RIOK2: variants seen among roughly 807,000 people sequenced by gnomAD.
The protein encoded by RIOK2 is serine/threonine-protein kinase RIO2.
In RIOK2, 46 loss-of-function variants were observed where a neutral mutation model predicts 62.4. That is an observed-to-expected ratio of 0.74 (90% CI 0.58 to 0.94). The LOEUF is 0.94. Ranked by LOEUF, RIOK2 falls within the 40% of genes least tolerant of loss-of-function variation. RIOK2 has a pLI of 0.00. For missense variants in RIOK2, 574 were observed against 658.0 expected (o/e 0.87, Z 1.40); for synonymous variants, 197 against 216.0 (o/e 0.91, Z 0.77).
At chr5:97,182,908 T>G in intron 1 of RIOK2, 1 of 586,040 alleles carries the variant, frequency 1.7e-6, no homozygotes, top group South Asian at 1.9e-5. Flanking sequence ...AAAACAATTA[T>G]TAGAAGACGG....
intron 8 of RIOK2, 29 bp downstream of exon 8, chr5:97,167,438 G>T: frequency 6.3e-7 from 1 of 1,596,604 alleles, no homozygotes; most frequent in Non-Finnish European, 8.5e-7. Flanking sequence ...CAAGACTAAA[G>T]TTAAAAAGCA....
At chr5:97,176,241 C>A (rs1394825437) in intron 4 of RIOK2, 4 of 152,162 alleles carry the variant, frequency 2.6e-5, no homozygotes, top group Non-Finnish European at 4.4e-5. Flanking sequence ...ACTATAGTCA[C>A]CCTACTCTGC....
intron 4 of RIOK2, chr5:97,175,892 T>C (rs1749149938): frequency 6.6e-6 from 1 of 152,184 alleles, no homozygotes; most frequent in Non-Finnish European, 1.5e-5. Context: ...TTTAACAATC[T>C]ATGCTGAACT....
chr5:97,182,517 G>A (rs977452145), intron 1 of RIOK2, among the ~76,000 whole-genome samples: 4 of 152,028 alleles, frequency 2.6e-5, no homozygotes, highest in African/African-American at 9.7e-5. Flanking sequence ...GTCTACCAAA[G>A]GCCAATAACT....
intron 9 of RIOK2, among the ~76,000 whole-genome samples, chr5:97,163,514 C>T (rs1748758912): frequency 6.6e-6 from 1 of 152,122 alleles, no homozygotes; most frequent in Non-Finnish European, 1.5e-5. Context: ...TGTTCCTCTG[C>T]TTTTTAGGTT....
chr5:97,165,109 G>A lies in RIOK2; in HGVS notation c.1436C>T (p.Thr479Ile). ...ENVGAMNQYR[T>I]RTLSITSSGS... ...TGAAGAAGTGATACTCAGAGTTCTT[G>A]TTCTATACTGATTCATAGCTCCCAC... The change falls in exon 9 of 10, where the codon ACA becomes ATA. Residue 479 changes from threonine to isoleucine, a missense_variant. Physicochemically the swap from Thr to Ile is moderately conservative, Grantham distance 89. Coordinates refer to ENST00000283109, the MANE Select transcript of RIOK2 (RefSeq NM_018343.3). The A allele has an allele frequency of 1.3e-6, 2 of 1,540,860 alleles. No individual in the cohort carries two copies. The highest frequency in any genetic ancestry group is 1.7e-6 in the Non-Finnish European group (2 of 1,143,662).
chr5:97,175,957 C>G (rs1434571240), intron 4 of RIOK2: 6 of 151,548 alleles, frequency 4.0e-5, no homozygotes, highest in Admixed American at 3.9e-4. Flanking sequence ...TGTCAGGGGA[C>G]AGTATAAATG....
chr5:97,164,156 G>A (rs902920028), intron 9 of RIOK2, among the ~76,000 whole-genome samples: 1 of 151,874 alleles, frequency 6.6e-6, no homozygotes, highest in Admixed American at 6.5e-5. Flanking sequence ...CCCCCAAAGT[G>A]CTGGGATCAC....
intron 1 of RIOK2, among the ~76,000 whole-genome samples, chr5:97,181,283 AAAAG>A (rs1243990223): frequency 6.6e-6 from 1 of 151,880 alleles, no homozygotes; most frequent in Non-Finnish European, 1.5e-5. Flanking sequence ...AAAAAAAAAA[AAAAG>A]AAAGAGAGAA....
intron 2 of RIOK2, among the ~76,000 whole-genome samples, chr5:97,178,338 CAT>C (rs1749227999): frequency 2.8e-4 from 1 of 3,520 alleles, no homozygotes; most frequent in African/African-American, 7.4e-4. Flanking sequence ...GCAGTACCTA[CAT>C]GCTCTTCATG....
Position 97,183,153 on chromosome 5 carries a change from G to A in RIOK2, c.39C>T (p.Ser13=). Residue 13 remains serine (S), a synonymous_variant, in exon 1 of 10, where the codon AGC becomes AGT. Coordinates refer to ENST00000283109, the MANE Select transcript of RIOK2 (RefSeq NM_018343.3). ...CGGTCAAGACCCTGAAGTCATCTCG[G>A]CTCATGTAACGCAACTTGGCCACAT... is the stretch of plus-strand genomic sequence containing the variant. ...KVNVAKLRYM[S]RDDFRVLTAV... The A allele has an allele frequency of 6.2e-7, 1 of 1,614,090 alleles. No homozygotes were observed. The highest frequency in any genetic ancestry group is 8.5e-7 in the Non-Finnish European group (1 of 1,179,984).
At position 97,167,943 on chromosome 5, in the gene RIOK2, C is replaced by T. The variant is rs1748892778; in HGVS notation, c.921G>A (p.Lys307=). ...DVEVSASGYT[K]EMQADDELLH... Reference sequence around the variant, plus strand: ...GCAGTTCATCATCTGCCTGCATTTCCTTTGTGTAGCCACTGGCAGAAACCT... The same window carrying T: ...GCAGTTCATCATCTGCCTGCATTTCTTTTGTGTAGCCACTGGCAGAAACCT... Residue 307 remains lysine, a synonymous_variant, in exon 8 of 10, where the codon AAG becomes AAA. Coordinates refer to ENST00000283109, the MANE Select transcript of RIOK2 (RefSeq NM_018343.3). 1 of 1,606,572 alleles carries T rather than the reference C, an allele frequency of 6.2e-7. No homozygotes were observed. The highest frequency in any genetic ancestry group is 8.5e-7 in the Non-Finnish European group (1 of 1,179,876).
In RIOK2 at chr5:97,183,238, A is replaced by T. The variant is rs1431299874; in HGVS notation, c.-47T>A. On this transcript the variant is annotated 5_prime_UTR_variant, in exon 1 of 10. Transcript: ENST00000283109. ...GATGCCTCTCCGACGACAGCCGCAA[A>T]GCGTAAGGCAGGTCGTTATTCCAGC... 1.9e-6 allele frequency: 3 copies of T among 1,601,154 alleles called. No individual in the cohort carries two copies. The East Asian group carries it at 6.7e-5, about 36-fold the overall frequency.
intron 1 of RIOK2, among the ~76,000 whole-genome samples, chr5:97,180,766 G>A (rs957786729): frequency 3.9e-5 from 6 of 152,126 alleles, no homozygotes; most frequent in African/African-American, 1.4e-4. Context: ...GTACTGGAAG[G>A]AAGGAATAAA....
intron 4 of RIOK2, among the ~76,000 whole-genome samples, chr5:97,174,596 T>C (rs1407209595): frequency 3.9e-5 from 6 of 152,050 alleles, no homozygotes; most frequent in Admixed American, 6.5e-5. Flanking sequence ...CCTAAACACA[T>C]AGGACTCACA....
chr5:97,181,146 C>G (rs1749396833), intron 1 of RIOK2, among the ~76,000 whole-genome samples: 1 of 151,692 alleles, frequency 6.6e-6, no homozygotes, highest in African/African-American at 2.4e-5. Context: ...GTGGTGTGCG[C>G]CTATAGTCCC....
In RIOK2 at chr5:97,179,072, G is replaced by A. The variant is rs781247100; in HGVS notation, c.188C>T (p.Ala63Val). The A allele has an allele frequency of 6.2e-7, 1 of 1,613,878 alleles. No homozygotes were observed. The highest frequency in any genetic ancestry group is 1.1e-5 in the South Asian group (1 of 91,074). Residue 63 changes from alanine (A) to valine (V), a missense_variant, in exon 2 of 10, where the codon GCT (alanine) becomes GTT (valine). Transcript: ENST00000283109. ...ATACTTACTTTTGGTACGCTCCCAA[G>A]CTATGAGTTTATGTTTCACTAATTC... ...LRELVKHKLIAWERTKTVQGY... is the reference protein window; with the variant it reads ...LRELVKHKLIVWERTKTVQGY...
chr5:97,174,335 G>C (rs1050313206), intron 4 of RIOK2, among the ~76,000 whole-genome samples: 1 of 152,186 alleles, frequency 6.6e-6, no homozygotes, highest in Admixed American at 6.5e-5. Flanking sequence ...CAGGAGAATC[G>C]CGTGAACCCG....
At chr5:97,167,418 G>A (rs762990045) in intron 8 of RIOK2, 49 bp downstream of exon 8, 15 of 1,571,056 alleles carry the variant, frequency 9.5e-6, no homozygotes, top group Non-Finnish European at 1.3e-5. Flanking sequence ...ATCTAACAAA[G>A]TATCAGTCTC....
Sources: gnomAD v4.1 joint callset for allele counts (sites outside exome capture counted in the v4.1 genomes callset) on GRCh38, gnomAD v4.1.1 for gene constraint, MANE v1.5 for transcripts, NCBI Gene and HGNC (gene_info 2026-07-23, HGNC 2026-07-21) for gene names.